TGFBR3: variants seen among roughly 807,000 people sequenced by gnomAD.
TGFBR3 encodes transforming growth factor beta receptor 3, also known as transforming growth factor beta receptor type 3.
In TGFBR3, 46 loss-of-function variants were observed where a neutral mutation model predicts 87.9. The ratio of observed to expected loss-of-function variants is 0.52; its 90% CI spans 0.41 to 0.67. TGFBR3 has a LOEUF of 0.67. Ranked by LOEUF, TGFBR3 falls within the 30% of genes least tolerant of loss-of-function variation. TGFBR3 has a pLI of 0.00. For synonymous variants in TGFBR3, 381 were observed against 391.6 expected (o/e 0.97, Z 0.32); for missense variants, 866 against 1,041.9 (o/e 0.83, Z 2.32).
intron 16 of TGFBR3, among the ~76,000 whole-genome samples, chr1:91,693,929 T>G (rs548782681): frequency 3.3e-5 from 5 of 152,242 alleles, no homozygotes; most frequent in Non-Finnish European, 7.3e-5. Flanking sequence ...GGTCCTTTTA[T>G]AAACTGTTCA....
chr1:91,701,862 T>C (rs1029937589), intron 14 of TGFBR3, among the ~76,000 whole-genome samples: 1 of 151,800 alleles, frequency 6.6e-6, no homozygotes, highest in Non-Finnish European at 1.5e-5. Context: ...TAAGACAGAG[T>C]TTTTACTAAC....
chr1:91,742,212 T>G (rs540025404), intron 4 of TGFBR3, among the ~76,000 whole-genome samples: 4 of 152,180 alleles, frequency 2.6e-5, no homozygotes, highest in Non-Finnish European at 5.9e-5. Flanking sequence ...TGTACAGACC[T>G]TTAGTCCATC....
chr1:91,795,227 G>A (rs375669571), intron 3 of TGFBR3, among the ~76,000 whole-genome samples: 9 of 152,288 alleles, frequency 5.9e-5, no homozygotes, highest in East Asian at 5.8e-4. Flanking sequence ...TTAAAGGTCC[G>A]TCTGTTGTCT....
intron 15 of TGFBR3, among the ~76,000 whole-genome samples, chr1:91,696,754 G>C (rs1671446505): frequency 6.6e-6 from 1 of 152,124 alleles, no homozygotes; most frequent in Non-Finnish European, 1.5e-5. Context: ...TCTACTTTCT[G>C]CTCCAGTCAG....
At chr1:91,842,960 C>A (rs1400472701) in intron 2 of TGFBR3, among the ~76,000 whole-genome samples, 1 of 152,160 alleles carries the variant, frequency 6.6e-6, no homozygotes, top group African/African-American at 2.4e-5. Flanking sequence ...CTCCATCACT[C>A]CCATTGTACC....
rs377137367 is a variant in TGFBR3 at position 91,802,369 on chromosome 1, CT to C, written c.62-4899del. On this transcript the variant is annotated intron_variant, in intron 2 of 16. Transcript: ENST00000212355. ...CTTATTTCTCCTTTTTTTTCTTTTT[CT>C]TTTTTTTTTTGAGACAGTCTCGCTC... Among the ~76,000 whole-genome samples the C allele has an allele frequency of 1.4e-3, 208 of 145,512 alleles. 1 individual carries two copies. Among genetic ancestry groups the C allele is most frequent in the Admixed American group, 4.5e-3 (66 of 14,530 alleles).
intron 4 of TGFBR3, among the ~76,000 whole-genome samples, chr1:91,747,994 G>A (rs1673405352): frequency 6.6e-6 from 1 of 152,192 alleles, no homozygotes; most frequent in Admixed American, 6.5e-5. Context: ...GATAAATGCT[G>A]ACTGATAGCT....
chr1:91,792,397 C>T (rs1435670932), intron 3 of TGFBR3, among the ~76,000 whole-genome samples: 2 of 152,208 alleles, frequency 1.3e-5, no homozygotes, highest in Non-Finnish European at 2.9e-5. Context: ...TCCACCCCTA[C>T]AGCCAGGCAC....
Position 91,836,284 on chromosome 1 carries a change from T to A in TGFBR3, c.61+25187A>T, listed in dbSNP as rs921125747. Among the ~76,000 whole-genome samples the A allele has an allele frequency of 2.6e-5, 4 of 152,072 alleles. No individual in the cohort carries two copies. In the South Asian group the frequency reaches 8.3e-4, roughly 32 times the overall value. ...ACAAATAAATAAATTTTAAAAAAAA[T>A]TCAGATGTCATGAAGAAATAACCTA... On this transcript the variant is annotated intron_variant, in intron 2 of 16. Transcript: ENST00000212355.
At chr1:91,819,322 C>A (rs918245981) in intron 2 of TGFBR3, among the ~76,000 whole-genome samples, 13 of 151,802 alleles carry the variant, frequency 8.6e-5, no homozygotes, top group African/African-American at 3.1e-4. Context: ...GAGCTGAGAT[C>A]GCGCCACTGT....
chr1:91,723,391 G>C (rs1342418349), intron 7 of TGFBR3, among the ~76,000 whole-genome samples: 3 of 150,142 alleles, frequency 2.0e-5, no homozygotes, highest in Non-Finnish European at 4.4e-5. Flanking sequence ...TGAGGTGGGA[G>C]GATCACCTGA....
chr1:91,875,616 T>C (rs1480457310), intron 1 of TGFBR3, among the ~76,000 whole-genome samples: 1 of 151,860 alleles, frequency 6.6e-6, no homozygotes, highest in Non-Finnish European at 1.5e-5. Context: ...GGCTGGGCAC[T>C]GTGGCTCACG....
At chr1:91,888,268 C>T (rs2489175), upstream of TGFBR3, among the ~76,000 whole-genome samples, 139,545 of 152,234 alleles carry the variant, frequency 0.92, 64,657 homozygotes, top group Non-Finnish European at 0.99. Flanking sequence ...TAAACCTTTC[C>T]TTTGTAAATT....
At chr1:91,855,814 A>C (rs186723554) in intron 2 of TGFBR3, among the ~76,000 whole-genome samples, 33 of 152,320 alleles carry the variant, frequency 2.2e-4, no homozygotes, top group African/African-American at 7.5e-4. Flanking sequence ...TAGGTAGCTT[A>C]CAGGATCTAA....
exon 1 of TGFBR3, chr1:91,905,828 C>T (rs994458020): frequency 1.3e-5 from 2 of 152,216 alleles, no homozygotes; most frequent in Admixed American, 1.3e-4. Context: ...GTACTGACCT[C>T]AATGTTGCCA....
At chr1:91,858,656 CATTT>C (rs539478069) in intron 2 of TGFBR3, among the ~76,000 whole-genome samples, 61 of 145,822 alleles carry the variant, frequency 4.2e-4, no homozygotes, top group African/African-American at 1.3e-3. Context: ...CTTCTTCATT[CATTT>C]GATCTATTAT....
chr1:91,743,387 A>G (rs1368802421), intron 4 of TGFBR3, among the ~76,000 whole-genome samples: 4 of 152,160 alleles, frequency 2.6e-5, no homozygotes, highest in African/African-American at 9.7e-5. Context: ...TCAAAAGTGG[A>G]TATTAAGTCT....
intron 2 of TGFBR3, among the ~76,000 whole-genome samples, chr1:91,892,690 T>G (rs938532822): frequency 6.6e-6 from 1 of 152,230 alleles, no homozygotes; most frequent in East Asian, 1.9e-4. Flanking sequence ...CATCCTCGGA[T>G]CATCATCTTA....
At chr1:91,708,356 C>T (rs1033076016) in intron 14 of TGFBR3, among the ~76,000 whole-genome samples, 1 of 152,094 alleles carries the variant, frequency 6.6e-6, no homozygotes, top group African/African-American at 2.4e-5. Flanking sequence ...TAACTAGAAC[C>T]CTTTTTTGCA....
Sources: allele counts gnomAD v4.1 joint callset (sites outside exome capture counted in the v4.1 genomes callset), GRCh38; gene constraint gnomAD v4.1.1; transcripts MANE v1.5; gene names NCBI Gene and HGNC (gene_info 2026-07-23, HGNC 2026-07-21).